Variants in ABCC11 observed in about 807,000 individuals in gnomAD.
The protein encoded by ABCC11 is ATP-binding cassette sub-family C member 11.
In ABCC11, 135 loss-of-function variants were observed where a neutral mutation model predicts 149.3. That is an observed-to-expected ratio of 0.90 (90% confidence interval 0.79 to 1.04). The LOEUF (loss-of-function observed/expected upper bound fraction) is 1.04. Among genes scored for constraint, ABCC11 ranks in the 50% least tolerant of loss-of-function variants. The pLI is 0.00. For missense variants in ABCC11, 1,680 were observed against 1,722.1 expected, an observed-to-expected ratio of 0.98 and a Z score of 0.43; for synonymous variants, 665 against 671.4, an observed-to-expected ratio of 0.99 and a Z score of 0.15.
At chr16:48,186,494 A>T (rs549408371) in intron 22 of ABCC11, among the ~76,000 whole-genome samples, 1 of 152,312 alleles carries the variant, frequency 6.6e-6, no homozygotes, top group South Asian at 2.1e-4. Context: ...CCTCAACAAC[A>T]ATCACAGGAC....
rs759098000 is a variant in ABCC11, at chr16:48,205,489, C to T, written c.1729G>A (p.Val577Ile). 1 of 1,614,190 alleles carries T rather than the reference C, an allele frequency of 6.2e-7. No individual in the cohort carries two copies. The highest frequency in any genetic ancestry group is 1.1e-5 in the South Asian group (1 of 91,082). The change falls in exon 13 of 30, where the codon GTC becomes ATC. Residue 577 changes from valine to isoleucine, a missense_variant. Val to Ile is a conservative substitution (Grantham distance 29). Coordinates refer to ENST00000356608, the MANE Select transcript of ABCC11 (RefSeq NM_001370497.1). ...SVGVQGSLAY[V>I]PQQAWIVSGN... ...CTGACGATCCAGGCCTGCTGGGGGA[C>T]ATAGGCCAGGCTTCCCTGCACCCCC...
chr16:48,232,154 A>T (rs1970459504), intron 1 of ABCC11: 1 of 1,179,280 alleles, frequency 8.5e-7, no homozygotes, highest in Admixed American at 3.4e-5. Flanking sequence ...CACTTAGTGA[A>T]ACCTTCTCTA....
At chr16:48,207,281 A>G (rs2150845182) in intron 12 of ABCC11, among the ~76,000 whole-genome samples, 1 of 152,312 alleles carries the variant, frequency 6.6e-6, no homozygotes, top group Non-Finnish European at 1.5e-5. Flanking sequence ...CCAAAAATGC[A>G]TAGCAGGCGT....
intron 9 of ABCC11, among the ~76,000 whole-genome samples, chr16:48,213,927 G>A (rs922635123): frequency 1.3e-5 from 2 of 152,152 alleles, no homozygotes; most frequent in African/African-American, 2.4e-5. Flanking sequence ...GTAGCTTGGT[G>A]CTATTCTTGC....
rs368570163 is a variant in ABCC11 at position 48,181,267 on chromosome 16, C to CAG, written c.3259-2583_3259-2582dup. 4.2e-3 allele frequency among the ~76,000 whole-genome samples: 634 copies of CAG among 151,152 alleles called. 1 individual carries two copies. Among genetic ancestry groups the CAG allele is most frequent in the Non-Finnish European group, 6.1e-3 (412 of 67,614 alleles). ...TGTAATGGTGCATGTGTATGTGTAT[C>CAG]AGAGAGAGAGAGAGAATGTGAGCCT... On this transcript the variant is annotated intron_variant, in intron 23 of 29. Coordinates refer to ENST00000356608, the MANE Select transcript of ABCC11 (RefSeq NM_001370497.1).
Position 48,232,307 on chromosome 16 carries a change from C to T in ABCC11, c.-18-368G>A, listed in dbSNP as rs997230942. The T allele has an allele frequency of 5.6e-5, 10 of 178,132 alleles. No individual in the cohort carries two copies. The East Asian group carries it at 1.3e-3, about 22-fold the overall frequency. The allele number at this position is 178,132 out of a possible 1,614,324, so 11.0% of individuals were successfully genotyped here. Reference sequence around the variant, plus strand: ...GTATTTGTTTGAATCATTATTTGTTCAGACTTCATTTATGCACTACACAGA... The same window carrying T: ...GTATTTGTTTGAATCATTATTTGTTTAGACTTCATTTATGCACTACACAGA... On this transcript the variant is annotated intron_variant, in intron 1 of 29. Transcript: ENST00000356608.
intron 1 of ABCC11, among the ~76,000 whole-genome samples, chr16:48,234,931 T>C (rs1233185063): frequency 2.7e-5 from 4 of 149,824 alleles, no homozygotes; most frequent in Non-Finnish European, 4.4e-5. Context: ...AGGTTCCTGA[T>C]TCTTTCTCTG....
chr16:48,213,638 C>T, intron 9 of ABCC11, 88 bp from the exon 10 acceptor site: 1 of 960,166 alleles, frequency 1.0e-6, no homozygotes, highest in Non-Finnish European at 1.5e-6. Context: ...GCCACATCCT[C>T]AGCATCCAAC....
chr16:48,245,525 T>G (rs1971320908), intron 1 of ABCC11, among the ~76,000 whole-genome samples: 1 of 152,086 alleles, frequency 6.6e-6, no homozygotes, highest in African/African-American at 2.4e-5. Flanking sequence ...CTCGTCAAAT[T>G]GAGATGATAG....
At chr16:48,242,911 T>TG (rs1343124212) in intron 1 of ABCC11, among the ~76,000 whole-genome samples, 2 of 140,808 alleles carry the variant, frequency 1.4e-5, no homozygotes, top group Non-Finnish European at 1.5e-5. Flanking sequence ...TGGTGGGGAG[T>TG]GGGGGGGAAG....
chr16:48,198,637 ATT>A (rs201789068), intron 15 of ABCC11, among the ~76,000 whole-genome samples: 94 of 142,960 alleles, frequency 6.6e-4, no homozygotes, highest in African/African-American at 1.4e-3. Flanking sequence ...ACACTGAAGT[ATT>A]TTTTTTTTTT....
In ABCC11 at chr16:48,175,388, G is replaced by A. The variant is rs779176376; in HGVS notation, c.3568C>T (p.Arg1190Cys). Reference sequence around the variant, plus strand: ...CGGCCTGCCATGGGCTCCACCAGGCGGAAGAGAGCCATGCCCAAGGAGGAC... The same window carrying A: ...CGGCCTGCCATGGGCTCCACCAGGCAGAAGAGAGCCATGCCCAAGGAGGAC... Reference protein sequence around the residue: ...GKSSLGMALFRLVEPMAGRIL... With the variant: ...GKSSLGMALFCLVEPMAGRIL... The change falls in exon 26 of 30, where the codon CGC becomes TGC. Residue 1190 changes from arginine to cysteine, a missense_variant. Transcript: ENST00000356608. 3.9e-5 allele frequency: 63 copies of A among 1,612,426 alleles called. No homozygotes were observed. The highest frequency in any genetic ancestry group is 1.6e-4 in the Middle Eastern group (1 of 6,082).
Position 48,176,958 on chromosome 16 carries a change from G to A in ABCC11, c.3504C>T (p.His1168=), listed in dbSNP as rs143002804. The part of the protein sequence containing the change: ...LHGINLTIRG[H]EVVGIVGRTG... ...TCCTTCCCACGATGCCCACCACTTCGTGGCCGCGGATGGTCAGGTTGATGC... is the reference window on the plus strand; with the variant it reads ...TCCTTCCCACGATGCCCACCACTTCATGGCCGCGGATGGTCAGGTTGATGC... Residue 1168 remains histidine, a synonymous_variant, in exon 25 of 30, where the codon CAC becomes CAT. Transcript: ENST00000356608. 42 of 1,613,966 alleles carry A rather than the reference G, an allele frequency of 2.6e-5. No individual in the cohort carries two copies. In the African/African-American group the frequency reaches 2.7e-4, roughly 10 times the overall value.
At chr16:48,175,897 A>T (rs1182911142) in intron 25 of ABCC11, 1 of 117,274 alleles carries the variant, frequency 8.5e-6, no homozygotes, top group Non-Finnish European at 1.7e-5. Flanking sequence ...GCCCCCATAT[A>T]TCACACCCAC....
At chr16:48,165,417 G>C (rs1465348660), downstream of ABCC11, among the ~76,000 whole-genome samples, 1 of 152,242 alleles carries the variant, frequency 6.6e-6, no homozygotes, top group Non-Finnish European at 1.5e-5. Context: ...GACTTCTCCT[G>C]TTCCGTCCAA....
intron 4 of ABCC11, among the ~76,000 whole-genome samples, chr16:48,226,243 A>G (rs1251721449): frequency 6.7e-6 from 1 of 150,008 alleles, no homozygotes; most frequent in Non-Finnish European, 1.5e-5. Flanking sequence ...CAATCCTATG[A>G]AGGACCATGA....
chr16:48,178,749 GCTCCTGATAAC>G, intron 23 of ABCC11, 63 bp from the exon 24 acceptor site: 2 of 1,408,366 alleles, frequency 1.4e-6, no homozygotes, highest in Non-Finnish European at 2.0e-6. Context: ...GCTCTTCAAC[GCTCCTGATAAC>G]CACTGATTGC....
intron 12 of ABCC11, among the ~76,000 whole-genome samples, chr16:48,205,812 C>CT (rs5816589): frequency 0.11 from 15,401 of 140,944 alleles, 1,224 homozygotes; most frequent in African/African-American, 0.22. Flanking sequence ...GTTTTTTCCT[C>CT]TTTTTTTTTT....
Position 48,227,779 on chromosome 16 carries a change from C to T in ABCC11, c.395+27G>A, listed in dbSNP as rs371026900. The T allele has an allele frequency of 3.7e-6, 6 of 1,613,550 alleles. No homozygotes were observed. In the African/African-American group the frequency reaches 8.0e-5, roughly 22 times the overall value. On this transcript the variant is annotated intron_variant, in intron 4 of 29. Coordinates refer to ENST00000356608, the MANE Select transcript of ABCC11 (RefSeq NM_001370497.1). ...ACCAAGAGATTGTCTTTTAACCTAT[C>T]CACTGGTTTGCCCAGCGCAGCTTCA...
Sources: gnomAD v4.1 joint callset for allele counts (sites outside exome capture counted in the v4.1 genomes callset) on GRCh38, gnomAD v4.1.1 for gene constraint, MANE v1.5 for transcripts, NCBI Gene and HGNC (gene_info 2026-07-23, HGNC 2026-07-21) for gene names.